Variants in SKAP2 observed in about 807,000 individuals in gnomAD.
SKAP2 encodes src kinase associated phosphoprotein 2, also known as src kinase-associated phosphoprotein 2.
A neutral mutation model predicts 54.9 loss-of-function variants in SKAP2; 28 were observed. That is an observed-to-expected ratio of 0.51 (90% CI 0.38 to 0.70). SKAP2 has a LOEUF of 0.70. Among genes scored for constraint, SKAP2 ranks in the 30% least tolerant of loss-of-function variants. SKAP2 has a pLI of 0.00. For missense variants in SKAP2, 356 were observed against 424.1 expected (o/e 0.84, Z 1.41); for synonymous variants, 137 against 134.3 (o/e 1.02, Z -0.14).
chr7:26,807,587 T>C (rs955763135), intron 4 of SKAP2, among the ~76,000 whole-genome samples: 7 of 152,330 alleles, frequency 4.6e-5, no homozygotes, highest in Admixed American at 2.6e-4. Flanking sequence ...AGGTAGTTCT[T>C]TATAGCAGTG....
rs754212424 is a variant in SKAP2, at chr7:26,725,965, C to G, written c.616G>C (p.Asp206His). 6.2e-7 allele frequency: 1 copy of G among 1,610,974 alleles called. No individual in the cohort carries two copies. Among genetic ancestry groups the G allele is most frequent in the South Asian group, 1.1e-5 (1 of 90,992 alleles). ...AGCTGCTGTACCCATTCTTCAGCAT[C>G]TTTGGGAGAAGCTGCTGTAAACTAA... ...IYQFTAASPK[D>H]AEEWVQQLKF... Residue 206 changes from aspartate (D) to histidine (H), a missense_variant, in exon 8 of 13, where the codon GAT (aspartate) becomes CAT (histidine). Physicochemically the swap from Asp to His is moderately conservative, Grantham distance 81. Coordinates refer to ENST00000345317, the MANE Select transcript of SKAP2 (RefSeq NM_003930.5).
At chr7:26,783,401 T>C (rs1023253623) in intron 4 of SKAP2, among the ~76,000 whole-genome samples, 7 of 152,080 alleles carry the variant, frequency 4.6e-5, no homozygotes, top group African/African-American at 1.7e-4. Flanking sequence ...CCCCCACCAA[T>C]ATTTCTCTGA....
intron 4 of SKAP2, among the ~76,000 whole-genome samples, chr7:26,776,343 A>C (rs1364608945): frequency 6.6e-6 from 1 of 152,138 alleles, no homozygotes. Context: ...ACTCTGGCCA[A>C]GATCTTTCTC....
At chr7:26,730,724 A>T (rs1406475358) in intron 6 of SKAP2, among the ~76,000 whole-genome samples, 2 of 152,206 alleles carry the variant, frequency 1.3e-5, no homozygotes, top group African/African-American at 4.8e-5. Flanking sequence ...TCAGTAACTT[A>T]ATTTTACACA....
intron 9 of SKAP2, among the ~76,000 whole-genome samples, chr7:26,724,187 ATTAC>A (rs1787645641): frequency 6.6e-6 from 1 of 152,200 alleles, no homozygotes; most frequent in African/African-American, 2.4e-5. Context: ...TGTTAAAATT[ATTAC>A]TTTTTACTTG....
chr7:26,706,098 C>A (rs950986389), intron 9 of SKAP2, among the ~76,000 whole-genome samples: 1 of 152,098 alleles, frequency 6.6e-6, no homozygotes, highest in Non-Finnish European at 1.5e-5. Flanking sequence ...CAAAGTCCAA[C>A]AATAACTCTT....
chr7:26,741,092 G>A (rs1782435234), intron 4 of SKAP2, among the ~76,000 whole-genome samples: 1 of 151,980 alleles, frequency 6.6e-6, no homozygotes, highest in South Asian at 2.1e-4. Context: ...TACATCCAGT[G>A]GAAATAGTTT....
chr7:26,670,246 C>T (rs909968277), intron 11 of SKAP2, 54 bp from the exon 12 acceptor site: 7 of 792,968 alleles, frequency 8.8e-6, no homozygotes, highest in Middle Eastern at 2.3e-4. Flanking sequence ...AGTACAATGT[C>T]GTTTGTATGC....
chr7:26,688,944 T>C (rs961292882), intron 10 of SKAP2, among the ~76,000 whole-genome samples: 2 of 152,186 alleles, frequency 1.3e-5, no homozygotes, highest in Non-Finnish European at 2.9e-5. Flanking sequence ...CTATTGAACA[T>C]AGTCCTCAAG....
chr7:26,736,386 AG>A (rs1787942262), intron 6 of SKAP2, among the ~76,000 whole-genome samples: 1 of 152,336 alleles, frequency 6.6e-6, no homozygotes, highest in South Asian at 2.1e-4. Context: ...GTGCCATGAT[AG>A]TTTACAAATG....
At chr7:26,771,864 C>G (rs1783196742) in intron 4 of SKAP2, among the ~76,000 whole-genome samples, 1 of 152,090 alleles carries the variant, frequency 6.6e-6, no homozygotes. Context: ...AGAAAACCAG[C>G]CAAGAGAAAG....
intron 4 of SKAP2, among the ~76,000 whole-genome samples, chr7:26,830,435 A>C (rs1784574379): frequency 6.6e-6 from 1 of 152,188 alleles, no homozygotes; most frequent in Non-Finnish European, 1.5e-5. Context: ...GAGTAAAAAA[A>C]AATACTTTAA....
At chr7:26,844,865 C>T (rs1464484885) in intron 3 of SKAP2, among the ~76,000 whole-genome samples, 1 of 151,916 alleles carries the variant, frequency 6.6e-6, no homozygotes, top group Non-Finnish European at 1.5e-5. Flanking sequence ...TTTTCAAATC[C>T]TAGGTTCGTT....
At chr7:26,788,899 T>A (rs1375036070) in intron 4 of SKAP2, among the ~76,000 whole-genome samples, 1 of 152,168 alleles carries the variant, frequency 6.6e-6, no homozygotes, top group Admixed American at 6.6e-5. Flanking sequence ...GAACATAGTC[T>A]CTTCGGAATA....
intron 4 of SKAP2, among the ~76,000 whole-genome samples, chr7:26,797,163 C>T: frequency 6.6e-6 from 1 of 152,238 alleles, no homozygotes; most frequent in South Asian, 2.1e-4. Flanking sequence ...ACAGTCCTGG[C>T]TGCTTTGCCA....
chr7:26,723,156 T>C (rs1787615556), intron 9 of SKAP2, among the ~76,000 whole-genome samples: 1 of 152,314 alleles, frequency 6.6e-6, no homozygotes, highest in South Asian at 2.1e-4. Context: ...AGAGAGACAA[T>C]TGTTTTAATT....
intron 6 of SKAP2, among the ~76,000 whole-genome samples, chr7:26,733,984 A>T (rs998370436): frequency 6.6e-6 from 1 of 152,294 alleles, no homozygotes; most frequent in East Asian, 1.9e-4. Context: ...TTGATTCAAG[A>T]TCATATAGAA....
At chr7:26,723,100 C>T (rs1787613160) in intron 9 of SKAP2, among the ~76,000 whole-genome samples, 2 of 152,290 alleles carry the variant, frequency 1.3e-5, no homozygotes, top group African/African-American at 4.8e-5. Flanking sequence ...AAATTATATT[C>T]AAATTTCACA....
At chr7:26,819,296 T>A (rs182923936) in intron 4 of SKAP2, among the ~76,000 whole-genome samples, 9 of 152,158 alleles carry the variant, frequency 5.9e-5, no homozygotes, top group Admixed American at 1.3e-4. Flanking sequence ...CTGGAAACCA[T>A]CACTCTCAGC....
Sources: gnomAD v4.1 joint callset for allele counts (sites outside exome capture counted in the v4.1 genomes callset) on GRCh38, gnomAD v4.1.1 for gene constraint, MANE v1.5 for transcripts, NCBI Gene and HGNC (gene_info 2026-07-23, HGNC 2026-07-21) for gene names.